The following STPG2 variants were observed in gnomAD, a reference collection of about 807,000 sequenced individuals.
STPG2 encodes the protein sperm-tail PG-rich repeat-containing protein 2.
Under a neutral mutation model 54.2 loss-of-function variants are expected in STPG2, and 56 were observed. The ratio of observed to expected loss-of-function variants is 1.03; its 90% CI spans 0.83 to 1.29. STPG2 has a LOEUF of 1.29. Ranked by LOEUF, STPG2 falls within the 50% of genes most tolerant of loss-of-function variation. STPG2 has a pLI of 0.00. For missense variants in STPG2, 596 were observed against 544.9 expected, an observed-to-expected ratio of 1.09 and a Z score of -0.93; for synonymous variants, 200 against 181.8, an observed-to-expected ratio of 1.10 and a Z score of -0.81.
chr4:97,920,784 G>C (rs1732071799), intron 8 of STPG2, among the ~76,000 whole-genome samples: 1 of 152,180 alleles, frequency 6.6e-6, no homozygotes, highest in Admixed American at 6.5e-5. Context: ...CATAAGGACT[G>C]TGGCAACTAT....
At position 98,138,098 on chromosome 4, in the gene STPG2, T is replaced by C. The variant is rs775484490; in HGVS notation, c.110-3639A>G. 5.9e-5 allele frequency among the ~76,000 whole-genome samples: 9 copies of C among 152,108 alleles called. No individual in the cohort carries two copies. The Middle Eastern group carries it at 0.014, about 230-fold the overall frequency. ...TTCTGTAATAGTGAATGTTTTATTA[T>C]GTATGGGAGACATGCATGTATGATA... is the stretch of plus-strand genomic sequence containing the variant. On this transcript the variant is annotated intron_variant, in intron 1 of 10. Transcript: ENST00000295268.
intron 7 of STPG2, among the ~76,000 whole-genome samples, chr4:97,953,555 C>T (rs1325872500): frequency 6.6e-6 from 1 of 152,232 alleles, no homozygotes; most frequent in Non-Finnish European, 1.5e-5. Flanking sequence ...CCCCCCATGA[C>T]ACAGAATCAG....
intron 4 of STPG2, among the ~76,000 whole-genome samples, chr4:97,547,564 G>C (rs570493695): frequency 3.3e-5 from 5 of 152,150 alleles, no homozygotes; most frequent in Non-Finnish European, 7.4e-5. Context: ...ATTTTAGAAA[G>C]TACTCTGCCT....
intron 9 of STPG2, among the ~76,000 whole-genome samples, chr4:97,736,619 C>T (rs1317489068): frequency 1.3e-5 from 2 of 152,144 alleles, no homozygotes; most frequent in South Asian, 2.1e-4. Context: ...AGCACAGCAG[C>T]CTGAGATCAA....
chr4:97,558,245 T>C (rs1002612624), downstream of STPG2, among the ~76,000 whole-genome samples: 1 of 152,180 alleles, frequency 6.6e-6, no homozygotes, highest in Non-Finnish European at 1.5e-5. Context: ...TACTTACTGA[T>C]TTGTGGACTA....
chr4:97,912,168 G>A (rs1731706822), intron 8 of STPG2, among the ~76,000 whole-genome samples: 1 of 151,930 alleles, frequency 6.6e-6, no homozygotes, highest in African/African-American at 2.4e-5. Flanking sequence ...TCAAAGATCA[G>A]CAACCTCAAA....
intron 9 of STPG2, among the ~76,000 whole-genome samples, chr4:97,796,240 A>G (rs1727172810): frequency 6.6e-6 from 1 of 152,138 alleles, no homozygotes; most frequent in African/African-American, 2.4e-5. Context: ...TTTTGTTGCC[A>G]TTGCTTTTGA....
intron 9 of STPG2, among the ~76,000 whole-genome samples, chr4:97,799,707 T>A (rs1033471976): frequency 1.3e-5 from 2 of 152,160 alleles, no homozygotes; most frequent in Non-Finnish European, 2.9e-5. Flanking sequence ...TTCTCTGTAT[T>A]TCCTGAATTT....
intron 8 of STPG2, among the ~76,000 whole-genome samples, chr4:97,858,165 G>A (rs1729392766): frequency 6.6e-6 from 1 of 152,036 alleles, no homozygotes; most frequent in South Asian, 2.1e-4. Context: ...TCCAAATCTA[G>A]AGGAGATAAC....
intron 5 of STPG2, among the ~76,000 whole-genome samples, chr4:98,102,770 G>C (rs895859355): frequency 5.3e-5 from 8 of 150,622 alleles, no homozygotes; most frequent in African/African-American, 1.9e-4. Context: ...TCTGGTGGTA[G>C]AAGGTGGTAG....
intron 4 of STPG2, among the ~76,000 whole-genome samples, chr4:97,551,140 T>C (rs1338863875): frequency 6.6e-6 from 1 of 152,122 alleles, no homozygotes; most frequent in African/African-American, 2.4e-5. Flanking sequence ...AGAGTGCTGA[T>C]TGGTGCGTTT....
At chr4:97,557,353 C>T (rs1732101722), downstream of STPG2, among the ~76,000 whole-genome samples, 1 of 152,032 alleles carries the variant, frequency 6.6e-6, no homozygotes, top group African/African-American at 2.4e-5. Context: ...TCAAAACAGT[C>T]CTTGATATTG....
Position 98,141,260 on chromosome 4 carries a change from A to T in STPG2, c.109+1782T>A, listed in dbSNP as rs530833762. ...ATATATTTCCTTGCCATACCTTGAA[A>T]TTGCCCTGCAAAGTCTCTTGTGGGA... On this transcript the variant is annotated intron_variant, in intron 1 of 10. Transcript: ENST00000295268. Among the ~76,000 whole-genome samples, 13 of 152,312 alleles carry T rather than the reference A, an allele frequency of 8.5e-5. No individual in the cohort carries two copies. In the East Asian group the frequency reaches 2.5e-3, roughly 29 times the overall value.
At chr4:98,065,929 G>A (rs1233854212) in intron 5 of STPG2, among the ~76,000 whole-genome samples, 1 of 151,774 alleles carries the variant, frequency 6.6e-6, no homozygotes, top group Non-Finnish European at 1.5e-5. Flanking sequence ...TATATTCTAG[G>A]AACAACTTTC....
chr4:97,742,112 G>T (rs1725260639), intron 9 of STPG2, among the ~76,000 whole-genome samples: 2 of 150,254 alleles, frequency 1.3e-5, no homozygotes, highest in Non-Finnish European at 1.5e-5. Context: ...ACTATCGCAA[G>T]AAAAAAAAAC....
chr4:97,997,327 T>A (rs959812269), intron 5 of STPG2, among the ~76,000 whole-genome samples: 1 of 152,172 alleles, frequency 6.6e-6, no homozygotes, highest in Non-Finnish European at 1.5e-5. Context: ...CACCAGCATC[T>A]GCTTTTAAGG....
chr4:97,732,274 T>C (rs1244323656), intron 9 of STPG2, among the ~76,000 whole-genome samples: 2 of 152,172 alleles, frequency 1.3e-5, no homozygotes, highest in Non-Finnish European at 2.9e-5. Flanking sequence ...CAAATTTCTA[T>C]GGGTTTTTTC....
intron 9 of STPG2, among the ~76,000 whole-genome samples, chr4:97,787,780 T>C (rs895031088): frequency 6.6e-6 from 1 of 151,912 alleles, no homozygotes; most frequent in Admixed American, 6.6e-5. Flanking sequence ...AATACAGAAC[T>C]GAACTACTCA....
chr4:97,690,579 A>G (rs1160361768), intron 10 of STPG2, among the ~76,000 whole-genome samples: 1 of 152,156 alleles, frequency 6.6e-6, no homozygotes, highest in Non-Finnish European at 1.5e-5. Context: ...GAGAAAAGCA[A>G]TCACCTAACA....
Sources: allele counts gnomAD v4.1 joint callset (sites outside exome capture counted in the v4.1 genomes callset), GRCh38; gene constraint gnomAD v4.1.1; transcripts MANE v1.5; gene names NCBI Gene and HGNC (gene_info 2026-07-23, HGNC 2026-07-21).